The following FBXO31 variants were observed in gnomAD, a reference collection of about 807,000 sequenced individuals.
The protein encoded by FBXO31 is F-box only protein 31.
FBXO31 carries 24 observed loss-of-function variants against 54.4 expected under a neutral mutation model. That is an observed-to-expected ratio of 0.44 (90% CI 0.32 to 0.62). FBXO31 has a LOEUF of 0.62. Among genes scored for constraint, FBXO31 ranks in the 20% least tolerant of loss-of-function variants. The pLI is 0.05. For missense variants in FBXO31, 665 were observed against 787.1 expected, an observed-to-expected ratio of 0.84 and a Z score of 1.86; for synonymous variants, 388 against 335.6, an observed-to-expected ratio of 1.16 and a Z score of -1.71.
chr16:87,370,479 G>T (rs1002515928), intron 1 of FBXO31, among the ~76,000 whole-genome samples: 9 of 152,228 alleles, frequency 5.9e-5, no homozygotes, highest in African/African-American at 2.2e-4. Context: ...CAGCCCTGGG[G>T]CACTCGACAC....
At chr16:87,339,180 G>T (rs1362057037) in intron 5 of FBXO31, among the ~76,000 whole-genome samples, 2 of 152,206 alleles carry the variant, frequency 1.3e-5, no homozygotes, top group Non-Finnish European at 2.9e-5. Flanking sequence ...GAAGTTCTCA[G>T]CCAGCAGAGC....
intron 1 of FBXO31, among the ~76,000 whole-genome samples, chr16:87,362,263 A>G (rs748840127): frequency 6.6e-6 from 1 of 152,190 alleles, no homozygotes; most frequent in Non-Finnish European, 1.5e-5. Context: ...AACTCAGCAT[A>G]ACTAATTATT....
chr16:87,334,306 C>T lies in FBXO31; in HGVS notation c.997-20G>A, dbSNP rs1459236638. ...GTCGCCCTGTGGAGCAGGTGGCAGT[C>T]AGCAGGGCTCAGGCCAGCAGCAGCA... On this transcript the variant is annotated intron_variant, in intron 7 of 8. Transcript: ENST00000311635. 1.3e-6 allele frequency: 2 copies of T among 1,549,534 alleles called. No homozygotes were observed. Among genetic ancestry groups the T allele is most frequent in the East Asian group, 4.5e-5 (2 of 44,014 alleles).
At chr16:87,365,797 C>T (rs1296507635) in intron 1 of FBXO31, among the ~76,000 whole-genome samples, 1 of 152,114 alleles carries the variant, frequency 6.6e-6, no homozygotes, top group East Asian at 1.9e-4. Flanking sequence ...CTTTGGGAGG[C>T]CAGGCAAATC....
chr16:87,351,157 C>T (rs1004418127), intron 2 of FBXO31, among the ~76,000 whole-genome samples: 7 of 152,168 alleles, frequency 4.6e-5, no homozygotes, highest in East Asian at 3.8e-4. Context: ...TCTGAGAACA[C>T]GCACTTTAAA....
Position 87,335,106 on chromosome 16 carries a change from G to C in FBXO31, c.996+198C>G, listed in dbSNP as rs909370281. Reference sequence around the variant, plus strand: ...AGCACACAGACTCCCTGAGGGTCTCGTGGAAATGCAATTCTGGTTCAGTGG... The same window carrying C: ...AGCACACAGACTCCCTGAGGGTCTCCTGGAAATGCAATTCTGGTTCAGTGG... On this transcript the variant is annotated intron_variant, in intron 7 of 8. Coordinates refer to ENST00000311635, the MANE Select transcript of FBXO31 (RefSeq NM_024735.5). This position sits in a 1 kb window ranked among gnomAD's most constrained non-coding sequence, Gnocchi z 5.7. Among the ~76,000 whole-genome samples, 1 of 152,206 alleles carries C rather than the reference G, an allele frequency of 6.6e-6. No homozygotes were observed. Among genetic ancestry groups the C allele is most frequent in the African/African-American group, 2.4e-5 (1 of 41,450 alleles).
At chr16:87,333,016 T>C (rs1046470276) in intron 8 of FBXO31, among the ~76,000 whole-genome samples, 1 of 152,184 alleles carries the variant, frequency 6.6e-6, no homozygotes. Context: ...ACTTGAAACA[T>C]GGCCTGGGCG....
At chr16:87,382,393 G>A (rs1907116693) in intron 1 of FBXO31, among the ~76,000 whole-genome samples, 1 of 152,170 alleles carries the variant, frequency 6.6e-6, no homozygotes, top group African/African-American at 2.4e-5. Flanking sequence ...GCATCGCTTG[G>A]ATGTTTTCTA....
rs1040029318 is a variant in FBXO31, at chr16:87,358,681, C to T, written c.412+1614G>A. On this transcript the variant is annotated intron_variant, in intron 2 of 8. Coordinates refer to ENST00000311635, the MANE Select transcript of FBXO31 (RefSeq NM_024735.5). The surrounding 1 kb of genome is among the most constrained non-coding windows in gnomAD (Gnocchi z 4.0). ...TGCTGGAGAGAACAACACTGTGACACGTTTTCCTTCCATCAGTGGTGCCAC... is the reference window on the plus strand; with the variant it reads ...TGCTGGAGAGAACAACACTGTGACATGTTTTCCTTCCATCAGTGGTGCCAC... Among the ~76,000 whole-genome samples the T allele has an allele frequency of 5.3e-5, 8 of 152,194 alleles. No homozygotes were observed. Among genetic ancestry groups the T allele is most frequent in the African/African-American group, 1.2e-4 (5 of 41,442 alleles).
intron 1 of FBXO31, 121 bp from the exon 2 acceptor site, chr16:87,360,487 G>T: frequency 1.3e-6 from 1 of 758,320 alleles, no homozygotes; most frequent in Non-Finnish European, 2.3e-6. Flanking sequence ...TCTCCAGAGT[G>T]CATCTGTCAC....
chr16:87,348,795 G>A (rs1905511789), intron 2 of FBXO31, among the ~76,000 whole-genome samples: 1 of 152,342 alleles, frequency 6.6e-6, no homozygotes, highest in Non-Finnish European at 1.5e-5. Context: ...CAGCAGGCAG[G>A]ACCAGCGCAG....
chr16:87,382,626 T>C (rs1396024939), intron 1 of FBXO31, among the ~76,000 whole-genome samples: 1 of 152,064 alleles, frequency 6.6e-6, no homozygotes, highest in East Asian at 1.9e-4. Context: ...CCTACTCCCG[T>C]AATTTTTTTT....
At chr16:87,379,747 C>A (rs1906991302) in intron 1 of FBXO31, among the ~76,000 whole-genome samples, 1 of 151,848 alleles carries the variant, frequency 6.6e-6, no homozygotes, top group Admixed American at 6.6e-5. Flanking sequence ...ACCACCACAC[C>A]CAGCTAATTT....
rs578005848 is a variant in FBXO31 at position 87,334,269 on chromosome 16, G to A, written c.1014C>T (p.Pro338=). 1.5e-5 allele frequency: 23 copies of A among 1,584,958 alleles called. No homozygotes were observed. Among genetic ancestry groups the A allele is most frequent in the East Asian group, 6.8e-5 (3 of 44,434 alleles). The stretch of plus-strand genomic sequence containing the variant: ...CGATCTCCACTGTCTGCTGCCCAGC[G>A]GGGATGTTGGGGTCGCCCTGTGGAG... ...GTKITGDPNI[P]AGQQTVEIDL... is the part of the protein sequence containing the mutation. The change falls in exon 8 of 9, where the codon CCC becomes CCT. Residue 338 remains proline (P), a synonymous_variant. Coordinates refer to ENST00000311635, the MANE Select transcript of FBXO31 (RefSeq NM_024735.5).
At chr16:87,353,218 C>T (rs1266087230) in intron 2 of FBXO31, among the ~76,000 whole-genome samples, 4 of 152,170 alleles carry the variant, frequency 2.6e-5, no homozygotes, top group Non-Finnish European at 5.9e-5. Flanking sequence ...GCAGCCTCTC[C>T]TGCCTCTCAC....
chr16:87,356,306 CA>C, intron 2 of FBXO31, among the ~76,000 whole-genome samples: 1 of 152,072 alleles, frequency 6.6e-6, no homozygotes, highest in Non-Finnish European at 1.5e-5. Context: ...AGACTGTTGT[CA>C]ACGCTCACTA....
chr16:87,381,955 G>A (rs1025676840), intron 1 of FBXO31, among the ~76,000 whole-genome samples: 24 of 151,694 alleles, frequency 1.6e-4, no homozygotes, highest in Non-Finnish European at 2.6e-4. Flanking sequence ...CCTGGGAGAC[G>A]GAGGTTGCAG....
intron 8 of FBXO31, among the ~76,000 whole-genome samples, chr16:87,332,499 CTTT>C (rs1904894495): frequency 6.6e-6 from 1 of 152,232 alleles, no homozygotes; most frequent in African/African-American, 2.4e-5. Flanking sequence ...GAGCTTTTTC[CTTT>C]TTTAGCTATT....
rs913349405 is a variant in FBXO31, at chr16:87,335,148, A to G, written c.996+156T>C. 1.3e-5 allele frequency among the ~76,000 whole-genome samples: 2 copies of G among 152,162 alleles called. No individual in the cohort carries two copies. The highest frequency in any genetic ancestry group is 2.4e-5 in the African/African-American group (1 of 41,430). On this transcript the variant is annotated intron_variant, in intron 7 of 8. Transcript: ENST00000311635. This position sits in a 1 kb window ranked among gnomAD's most constrained non-coding sequence, Gnocchi z 5.7. ...GTTCAGTGGGGCTGGCTGGGGCCCG[A>G]GAATCTGCTTTCCCAAGCTCCCGGG...
Sources: gnomAD v4.1 joint callset for allele counts (sites outside exome capture counted in the v4.1 genomes callset) on GRCh38, gnomAD v4.1.1 for gene constraint, Gnocchi (gnomAD v3.1) non-coding constraint, MANE v1.5 for transcripts, NCBI Gene and HGNC (gene_info 2026-07-23, HGNC 2026-07-21) for gene names.